Variants in OPCML observed in about 807,000 individuals in gnomAD.
The protein encoded by OPCML is opioid binding protein/cell adhesion molecule like.
In OPCML, 13 loss-of-function variants were observed where a neutral mutation model predicts 37.8. That is an observed-to-expected ratio of 0.34 (90% confidence interval 0.22 to 0.55). The LOEUF (loss-of-function observed/expected upper bound fraction) is 0.55. Ranked by LOEUF, OPCML falls within the 20% of genes least tolerant of loss-of-function variation. The pLI is 0.91. For missense variants in OPCML, 341 were observed against 435.6 expected, an observed-to-expected ratio of 0.78 and a Z score of 1.93; for synonymous variants, 176 against 168.8, an observed-to-expected ratio of 1.04 and a Z score of -0.33.
chr11:132,518,343 T>C (rs957488293), intron 4 of OPCML, among the ~76,000 whole-genome samples: 1 of 152,204 alleles, frequency 6.6e-6, no homozygotes, highest in Non-Finnish European at 1.5e-5. Context: ...TTTCTGTTCC[T>C]GTGTTAGTTT....
chr11:133,298,303 A>T (rs1295965215), intron 1 of OPCML: 1 of 152,230 alleles, frequency 6.6e-6, no homozygotes, highest in African/African-American at 2.4e-5. Context: ...GAGAGGAAAT[A>T]GATAAATTCA....
At chr11:132,628,201 G>A (rs1350955291) in intron 3 of OPCML, among the ~76,000 whole-genome samples, 1 of 152,120 alleles carries the variant, frequency 6.6e-6, no homozygotes, top group Non-Finnish European at 1.5e-5. Context: ...GGGGATGGAA[G>A]AGAGCCATGA....
At chr11:133,451,624 C>T (rs1045430463) in intron 1 of OPCML, among the ~76,000 whole-genome samples, 3 of 151,538 alleles carry the variant, frequency 2.0e-5, no homozygotes, top group Admixed American at 2.0e-4. Flanking sequence ...GAGCAGATCA[C>T]CTGAGGTCAG....
chr11:132,746,128 C>T (rs1565828501), intron 2 of OPCML, among the ~76,000 whole-genome samples: 1 of 151,656 alleles, frequency 6.6e-6, no homozygotes, highest in Non-Finnish European at 1.5e-5. Flanking sequence ...AGAAAATTCC[C>T]TTGTCTCACC....
At chr11:133,182,872 C>A (rs577113063) in intron 1 of OPCML, among the ~76,000 whole-genome samples, 1 of 152,210 alleles carries the variant, frequency 6.6e-6, no homozygotes, top group South Asian at 2.1e-4. Flanking sequence ...TCTCAAAGAA[C>A]AAAGTCATTC....
Position 132,778,835 on chromosome 11 carries a change from C to T in OPCML, c.147-121516G>A, listed in dbSNP as rs372670649. Among the ~76,000 whole-genome samples the T allele has an allele frequency of 2.9e-4, 44 of 152,088 alleles. No individual in the cohort carries two copies. In the East Asian group the frequency reaches 5.8e-3, roughly 20 times the overall value. On this transcript the variant is annotated intron_variant, in intron 2 of 7. Transcript: ENST00000524381. ...ATTAGCTCTAGGCCTCCCCACTGCC[C>T]GACTTAATATTTCATTGCCAATATA...
intron 3 of OPCML, among the ~76,000 whole-genome samples, chr11:132,594,767 G>A (rs1036667737): frequency 2.6e-5 from 4 of 152,034 alleles, no homozygotes; most frequent in Non-Finnish European, 4.4e-5. Context: ...GTCAAATCTG[G>A]GGAAAATAAC....
At chr11:132,787,078 C>T (rs900974457) in intron 2 of OPCML, among the ~76,000 whole-genome samples, 4 of 152,120 alleles carry the variant, frequency 2.6e-5, no homozygotes, top group African/African-American at 9.7e-5. Flanking sequence ...TGGGAATTTG[C>T]GTTTCCAACA....
intron 2 of OPCML, among the ~76,000 whole-genome samples, chr11:132,757,698 C>T (rs1565838270): frequency 6.6e-6 from 1 of 152,012 alleles, no homozygotes; most frequent in African/African-American, 2.4e-5. Flanking sequence ...GGGATATTAG[C>T]CTGTTGTCAG....
chr11:133,050,704 T>C (rs1324782973), intron 1 of OPCML, among the ~76,000 whole-genome samples: 1 of 129,812 alleles, frequency 7.7e-6, no homozygotes, highest in Non-Finnish European at 1.6e-5. Flanking sequence ...GGTCTACCAG[T>C]TTCTTCTTCT....
At chr11:132,950,376 AAG>A (rs1330512253) in intron 1 of OPCML, among the ~76,000 whole-genome samples, 2 of 152,142 alleles carry the variant, frequency 1.3e-5, no homozygotes, top group African/African-American at 4.8e-5. Context: ...GATTGAGAAA[AAG>A]AGAGCGATTG....
At chr11:132,547,546 G>A (rs1218827911) in intron 3 of OPCML, among the ~76,000 whole-genome samples, 1 of 152,148 alleles carries the variant, frequency 6.6e-6, no homozygotes, top group Admixed American at 6.6e-5. Flanking sequence ...ACAGCAATGT[G>A]CTACTTCTAG....
intron 2 of OPCML, among the ~76,000 whole-genome samples, chr11:132,708,490 A>T (rs1175827581): frequency 6.6e-6 from 1 of 152,210 alleles, no homozygotes; most frequent in Admixed American, 6.5e-5. Flanking sequence ...TGGAAGAACA[A>T]TCCTTATTAT....
At chr11:132,824,484 C>G (rs1159103516) in intron 2 of OPCML, among the ~76,000 whole-genome samples, 1 of 152,128 alleles carries the variant, frequency 6.6e-6, no homozygotes, top group African/African-American at 2.4e-5. Context: ...CACTTTTTAT[C>G]ATCTCATTTT....
intron 1 of OPCML, among the ~76,000 whole-genome samples, chr11:132,974,633 C>G (rs1438146005): frequency 6.6e-6 from 1 of 152,082 alleles, no homozygotes; most frequent in Non-Finnish European, 1.5e-5. Flanking sequence ...ACCACTTGAC[C>G]CAGAAATCCC....
At chr11:132,708,191 G>A (rs1259766303) in intron 2 of OPCML, among the ~76,000 whole-genome samples, 1 of 152,216 alleles carries the variant, frequency 6.6e-6, no homozygotes, top group East Asian at 1.9e-4. Context: ...TGATTCCTAT[G>A]CTGAATGGAT....
At chr11:133,373,448 T>TATATATATATATATATACAC (rs966091785) in intron 1 of OPCML, among the ~76,000 whole-genome samples, 1 of 132,178 alleles carries the variant, frequency 7.6e-6, no homozygotes, top group African/African-American at 3.1e-5. Context: ...TATATATATA[T>TATATATATATATATATACAC]ACACACACAC....
At chr11:133,187,506 C>T (rs576086889) in intron 1 of OPCML, among the ~76,000 whole-genome samples, 15 of 152,224 alleles carry the variant, frequency 9.9e-5, no homozygotes, top group African/African-American at 2.4e-4. Context: ...TGCTTCTTTT[C>T]GCATGGTCTG....
intron 3 of OPCML, among the ~76,000 whole-genome samples, chr11:132,616,243 A>G (rs1939006979): frequency 6.6e-6 from 1 of 152,240 alleles, no homozygotes; most frequent in South Asian, 2.1e-4. Context: ...AAGCTCACCT[A>G]CTTGTTATAC....
Sources: gnomAD v4.1 joint callset for allele counts (sites outside exome capture counted in the v4.1 genomes callset) on GRCh38, gnomAD v4.1.1 for gene constraint, MANE v1.5 for transcripts, NCBI Gene and HGNC (gene_info 2026-07-23, HGNC 2026-07-21) for gene names.